FTO: variants seen among roughly 807,000 people sequenced by gnomAD.
FTO encodes alpha-ketoglutarate-dependent dioxygenase FTO.
A neutral mutation model predicts 63.9 loss-of-function variants in FTO; 47 were observed. The observed-to-expected ratio is 0.74, with a 90% CI of 0.58 to 0.94. The LOEUF is 0.94. FTO is among the 40% of genes least tolerant of loss of function. FTO has a pLI of 0.00. For synonymous variants in FTO, 207 were observed against 224.4 expected (o/e 0.92, Z 0.69); for missense variants, 562 against 618.1 (o/e 0.91, Z 0.96).
chr16:53,950,155 T>TAAAAAAAAAAAAAAAAAAA lies in FTO; in HGVS notation c.1364+16052_1364+16070dup, dbSNP rs57925273. 3.0e-4 allele frequency among the ~76,000 whole-genome samples: 15 copies of TAAAAAAAAAAAAAAAAAAA among 50,622 alleles called. 1 individual carries two copies. The highest frequency in any genetic ancestry group is 6.2e-4 in the Non-Finnish European group (14 of 22,576). 33.2% of individuals were successfully genotyped at this position (50,622 alleles called of 152,430 possible). ...GGAAAAAAAAAGATATTCACATTTG[T>TAAAAAAAAAAAAAAAAAAA]AAAAAAAAAAAAAAAAAAAAAAAAC... On this transcript the variant is annotated intron_variant, in intron 8 of 8. Coordinates refer to ENST00000471389, the MANE Select transcript of FTO (RefSeq NM_001080432.3).
intron 7 of FTO, among the ~76,000 whole-genome samples, chr16:53,920,710 T>A: frequency 6.6e-6 from 1 of 152,190 alleles, no homozygotes; most frequent in Non-Finnish European, 1.5e-5. Context: ...AGTTTTTTCA[T>A]CTTTAAAATG....
At chr16:53,812,586 G>T (rs905722504) in intron 2 of FTO, among the ~76,000 whole-genome samples, 5 of 152,074 alleles carry the variant, frequency 3.3e-5, no homozygotes, top group Non-Finnish European at 2.9e-5. Context: ...GTTCAGTGCC[G>T]GGTACCTATC....
intron 8 of FTO, among the ~76,000 whole-genome samples, chr16:54,037,355 G>A (rs367783640): frequency 2.6e-5 from 4 of 152,290 alleles, no homozygotes; most frequent in East Asian, 1.9e-4. Context: ...AGTACCCAGA[G>A]TTCTTTGTAT....
intron 1 of FTO, among the ~76,000 whole-genome samples, chr16:53,798,300 T>A (rs2151706531): frequency 6.6e-6 from 1 of 152,292 alleles, no homozygotes; most frequent in African/African-American, 2.4e-5. Flanking sequence ...TTTGCGTTTC[T>A]AAGTGAATTT....
intron 1 of FTO, among the ~76,000 whole-genome samples, chr16:53,775,420 G>A (rs1437050219): frequency 6.6e-6 from 1 of 152,216 alleles, no homozygotes; most frequent in East Asian, 1.9e-4. Flanking sequence ...TCCAGCTCCT[G>A]TCTGCCTGGG....
intron 8 of FTO, among the ~76,000 whole-genome samples, chr16:54,101,081 G>C (rs12931414): frequency 5.9e-5 from 9 of 151,746 alleles, no homozygotes; most frequent in African/African-American, 2.2e-4. Flanking sequence ...TCACCCCATA[G>C]AGCCTTTACC....
At chr16:53,782,159 G>A (rs990846355) in intron 1 of FTO, among the ~76,000 whole-genome samples, 1 of 152,130 alleles carries the variant, frequency 6.6e-6, no homozygotes, top group Non-Finnish European at 1.5e-5. Context: ...TACCAACCAA[G>A]GTCCTTATAG....
intron 4 of FTO, among the ~76,000 whole-genome samples, chr16:53,872,444 A>G (rs1310884349): frequency 6.6e-6 from 1 of 152,204 alleles, no homozygotes; most frequent in East Asian, 1.9e-4. Context: ...GCAAGAAAGA[A>G]ACAGAGACTC....
intron 8 of FTO, among the ~76,000 whole-genome samples, chr16:53,957,783 A>G (rs558963054): frequency 1.9e-4 from 29 of 152,242 alleles, no homozygotes; most frequent in Non-Finnish European, 2.9e-4. Flanking sequence ...TCATCAAGAC[A>G]TGGAATTTAT....
At chr16:53,948,123 CT>C in intron 8 of FTO, among the ~76,000 whole-genome samples, 1 of 152,110 alleles carries the variant, frequency 6.6e-6, no homozygotes, top group East Asian at 1.9e-4. Flanking sequence ...TTTCTGAGCA[CT>C]TTTATTGCAT....
chr16:54,109,700 C>T (rs1393039532), intron 8 of FTO, among the ~76,000 whole-genome samples: 2 of 152,184 alleles, frequency 1.3e-5, no homozygotes, highest in African/African-American at 4.8e-5. Flanking sequence ...AAAAGAAAAG[C>T]CATTGGGATT....
At chr16:53,755,359 G>A (rs1220855207) in intron 1 of FTO, among the ~76,000 whole-genome samples, 1 of 152,082 alleles carries the variant, frequency 6.6e-6, no homozygotes, top group African/African-American at 2.4e-5. Flanking sequence ...GGGAGTCAGA[G>A]GCCTAGGACT....
intron 3 of FTO, among the ~76,000 whole-genome samples, chr16:53,837,225 G>A (rs1265265077): frequency 2.0e-5 from 3 of 152,048 alleles, no homozygotes; most frequent in East Asian, 1.9e-4. Flanking sequence ...TCCCAAGTCC[G>A]TGAAACATGA....
At chr16:53,719,149 G>C (rs1444403023) in intron 1 of FTO, among the ~76,000 whole-genome samples, 2 of 151,982 alleles carry the variant, frequency 1.3e-5, no homozygotes, top group Non-Finnish European at 1.5e-5. Context: ...GACTTGCAGA[G>C]TTTTCCTCCT....
At chr16:53,882,373 GAAA>G (rs4002060) in intron 6 of FTO, among the ~76,000 whole-genome samples, 3,394 of 144,612 alleles carry the variant, frequency 0.023, 42 homozygotes, top group Middle Eastern at 0.049. Flanking sequence ...AGTGCTACAG[GAAA>G]AAAAAAAAAA....
At chr16:53,824,503 T>C (rs752315809) in intron 2 of FTO, among the ~76,000 whole-genome samples, 6 of 152,176 alleles carry the variant, frequency 3.9e-5, no homozygotes, top group Non-Finnish European at 5.9e-5. Flanking sequence ...CTTAACACAA[T>C]TTGGGGTTGC....
chr16:54,109,209 C>G (rs1473975776), intron 8 of FTO, among the ~76,000 whole-genome samples: 1 of 152,220 alleles, frequency 6.6e-6, no homozygotes, highest in African/African-American at 2.4e-5. Context: ...AATGAAGGCT[C>G]TGAAGAAACC....
At chr16:53,914,412 C>T (rs1047396416) in intron 7 of FTO, among the ~76,000 whole-genome samples, 1 of 151,746 alleles carries the variant, frequency 6.6e-6, no homozygotes, top group African/African-American at 2.4e-5. Context: ...TCTTCAGTAA[C>T]GTCTTTTTTT....
intron 8 of FTO, among the ~76,000 whole-genome samples, chr16:53,959,310 G>A (rs1312396593): frequency 6.6e-6 from 1 of 152,112 alleles, no homozygotes; most frequent in African/African-American, 2.4e-5. Flanking sequence ...GTGAAACACA[G>A]ATTGCAGGCC....
Sources: gnomAD v4.1 joint callset for allele counts (sites outside exome capture counted in the v4.1 genomes callset) on GRCh38, gnomAD v4.1.1 for gene constraint, MANE v1.5 for transcripts, NCBI Gene and HGNC (gene_info 2026-07-23, HGNC 2026-07-21) for gene names.